The following UTRN variants were observed in gnomAD, a reference collection of about 807,000 sequenced individuals.
UTRN encodes utrophin, also known as dystrophin-related protein 1.
A neutral mutation model predicts 463.9 loss-of-function variants in UTRN; 283 were observed. The ratio of observed to expected loss-of-function variants is 0.61; its 90% CI spans 0.55 to 0.67. UTRN has a LOEUF of 0.67. Ranked by LOEUF, UTRN falls within the 30% of genes least tolerant of loss-of-function variation. The pLI, the probability that UTRN is intolerant of heterozygous loss-of-function variation, is 0.00. For synonymous variants in UTRN, 1,442 were observed against 1,431.5 expected (o/e 1.01, Z -0.17); for missense variants, 3,922 against 4,084.3 (o/e 0.96, Z 1.08).
chr6:144,629,082 T>A (rs1177472898), intron 51 of UTRN, among the ~76,000 whole-genome samples: 2 of 152,218 alleles, frequency 1.3e-5, no homozygotes, highest in East Asian at 3.8e-4. Context: ...CCAATAGCAG[T>A]ACTTATCCAC....
At chr6:144,591,677 C>G (rs1269872253) in intron 51 of UTRN, among the ~76,000 whole-genome samples, 1 of 151,966 alleles carries the variant, frequency 6.6e-6, no homozygotes, top group Admixed American at 6.6e-5. Context: ...AAATGTACTT[C>G]TGGAAAGTAT....
At chr6:144,824,539 T>G (rs1365920875) in intron 66 of UTRN, among the ~76,000 whole-genome samples, 1 of 123,700 alleles carries the variant, frequency 8.1e-6, no homozygotes, top group African/African-American at 2.9e-5. Context: ...ACAAATATAA[T>G]ACATATGTAT....
intron 3 of UTRN, among the ~76,000 whole-genome samples, chr6:144,404,387 G>A (rs751625455): frequency 2.6e-5 from 4 of 152,124 alleles, no homozygotes; most frequent in Admixed American, 6.6e-5. Flanking sequence ...TGTGCATCTC[G>A]GGCTTGACAT....
intron 51 of UTRN, among the ~76,000 whole-genome samples, chr6:144,675,829 T>G (rs529829364): frequency 6.6e-6 from 1 of 152,294 alleles, no homozygotes; most frequent in East Asian, 1.9e-4. Flanking sequence ...GAGCGAAAGT[T>G]CACGGTGTGA....
chr6:144,604,143 G>A (rs1459510915), intron 51 of UTRN, among the ~76,000 whole-genome samples: 1 of 152,156 alleles, frequency 6.6e-6, no homozygotes, highest in Non-Finnish European at 1.5e-5. Flanking sequence ...GAAACAGTAA[G>A]TCATATCTCT....
chr6:144,563,432 A>G (rs1282854254), intron 50 of UTRN, among the ~76,000 whole-genome samples: 1 of 152,140 alleles, frequency 6.6e-6, no homozygotes, highest in Non-Finnish European at 1.5e-5. Context: ...AGATACTTAT[A>G]TTGGGATTGT....
intron 23 of UTRN, among the ~76,000 whole-genome samples, chr6:144,472,346 T>G (rs1790747502): frequency 6.6e-6 from 1 of 151,800 alleles, no homozygotes; most frequent in East Asian, 1.9e-4. Context: ...AAGCCTAGAT[T>G]ATTAGATACA....
intron 51 of UTRN, among the ~76,000 whole-genome samples, chr6:144,610,941 A>G (rs1321568432): frequency 6.6e-6 from 1 of 152,188 alleles, no homozygotes; most frequent in Non-Finnish European, 1.5e-5. Flanking sequence ...CATAATGAAT[A>G]CAGGTGAAAA....
intron 51 of UTRN, among the ~76,000 whole-genome samples, chr6:144,633,643 A>G (rs192476499): frequency 5.5e-4 from 84 of 152,306 alleles, no homozygotes; most frequent in African/African-American, 1.9e-3. Flanking sequence ...TCTTTCAGAT[A>G]GTCACCAGAG....
At chr6:144,522,580 A>C (rs1440843858) in intron 40 of UTRN, among the ~76,000 whole-genome samples, 1 of 152,212 alleles carries the variant, frequency 6.6e-6, no homozygotes, top group Non-Finnish European at 1.5e-5. Context: ...CTTAAATTCT[A>C]GCAAGGCATT....
rs1787827279 is a variant in UTRN, at chr6:144,447,626, A to G, written c.1747A>G (p.Lys583Glu). ...GATTTTGAAGGAAGACATGGAAATG[A>G]AGCGTCAAACATTGGATCAGCTGAG... ...LAILKEDMEMKRQTLDQLSEI... is the reference protein window; with the variant it reads ...LAILKEDMEMERQTLDQLSEI... Residue 583 changes from lysine to glutamate, a missense_variant, in exon 16 of 75, where the codon AAG becomes GAG. Lys to Glu is a moderately conservative substitution (Grantham distance 56). Coordinates refer to ENST00000367545, the MANE Select transcript of UTRN (RefSeq NM_007124.3). 1.2e-6 allele frequency: 2 copies of G among 1,613,272 alleles called. No homozygotes were observed. The highest frequency in any genetic ancestry group is 1.3e-5 in the African/African-American group (1 of 74,908).
intron 7 of UTRN, among the ~76,000 whole-genome samples, chr6:144,426,828 T>C (rs1368267434): frequency 6.6e-6 from 1 of 152,198 alleles, no homozygotes; most frequent in Non-Finnish European, 1.5e-5. Flanking sequence ...TTCAATGCAT[T>C]CCCAATTAAA....
intron 58 of UTRN, among the ~76,000 whole-genome samples, chr6:144,759,313 T>C (rs1274380786): frequency 1.3e-5 from 2 of 152,086 alleles, no homozygotes; most frequent in Non-Finnish European, 2.9e-5. Flanking sequence ...AAGATGTGAT[T>C]ATCTAACTGA....
At chr6:144,689,690 AG>A (rs34515082) in intron 52 of UTRN, among the ~76,000 whole-genome samples, 16 of 152,026 alleles carry the variant, frequency 1.1e-4, no homozygotes, top group Non-Finnish European at 2.2e-4. Flanking sequence ...ACCAGCTCTG[AG>A]GGGGGTTGCA....
intron 69 of UTRN, among the ~76,000 whole-genome samples, chr6:144,830,980 T>G (rs1431996727): frequency 6.6e-6 from 1 of 152,154 alleles, no homozygotes. Context: ...ATGCCACAAA[T>G]CAAGGTCTTT....
chr6:144,787,867 A>G (rs1586574670), intron 61 of UTRN, among the ~76,000 whole-genome samples: 1 of 152,184 alleles, frequency 6.6e-6, no homozygotes, highest in African/African-American at 2.4e-5. Flanking sequence ...AATGGACAAT[A>G]AAAACCTAAA....
At chr6:144,681,319 G>A (rs545155931) in intron 52 of UTRN, among the ~76,000 whole-genome samples, 1 of 152,054 alleles carries the variant, frequency 6.6e-6, no homozygotes, top group East Asian at 1.9e-4. Context: ...TTAGAAGAGG[G>A]CAAAGAAGTC....
At chr6:144,715,395 A>T (rs935408826) in intron 53 of UTRN, among the ~76,000 whole-genome samples, 5 of 152,108 alleles carry the variant, frequency 3.3e-5, no homozygotes, top group Non-Finnish European at 7.4e-5. Context: ...GTTCCTATTA[A>T]AATAAATCAA....
chr6:144,582,074 G>T (rs181363230), intron 51 of UTRN, among the ~76,000 whole-genome samples: 1 of 152,280 alleles, frequency 6.6e-6, no homozygotes, highest in East Asian at 1.9e-4. Context: ...ACTGCCTGAT[G>T]AACACAGTTC....
Sources: allele counts gnomAD v4.1 joint callset (sites outside exome capture counted in the v4.1 genomes callset), GRCh38; gene constraint gnomAD v4.1.1; transcripts MANE v1.5; gene names NCBI Gene and HGNC (gene_info 2026-07-23, HGNC 2026-07-21).